Variants in RBFOX1 observed in about 807,000 individuals in gnomAD.
RBFOX1 encodes the protein RNA binding protein fox-1 homolog 1.
RBFOX1 carries 8 observed loss-of-function variants against 57.7 expected under a neutral mutation model. The observed-to-expected ratio is 0.14, with a 90% CI of 0.08 to 0.25. The LOEUF (loss-of-function observed/expected upper bound fraction) is 0.25, where lower values mean the gene tolerates loss of function less well. Among genes scored for constraint, RBFOX1 ranks in the 10% least tolerant of loss-of-function variants. The pLI is 1.00. For missense variants in RBFOX1, 611 were observed against 548.5 expected (o/e 1.11, Z -1.14); for synonymous variants, 326 against 222.4 (o/e 1.47, Z -4.15).
intron 3 of RBFOX1, among the ~76,000 whole-genome samples, chr16:5,642,047 G>A (rs1282685610): frequency 6.6e-6 from 1 of 152,210 alleles, no homozygotes; most frequent in Admixed American, 6.5e-5. Flanking sequence ...ACTTTGAGGA[G>A]CAAGACTGGG....
intron 2 of RBFOX1, among the ~76,000 whole-genome samples, chr16:6,631,154 C>T (rs549694257): frequency 6.6e-4 from 100 of 151,928 alleles, no homozygotes; most frequent in Middle Eastern, 6.8e-3. Context: ...TTTAGAAGGT[C>T]AAAGGCAGAG....
At chr16:7,335,583 A>AG (rs1409736956) in intron 4 of RBFOX1, among the ~76,000 whole-genome samples, 1 of 96,462 alleles carries the variant, frequency 1.0e-5, no homozygotes, top group Non-Finnish European at 1.9e-5. Context: ...CCTCAGATAA[A>AG]GAAAAAAAAA....
At chr16:7,691,760 G>A (rs746010894) in intron 14 of RBFOX1, among the ~76,000 whole-genome samples, 8 of 152,148 alleles carry the variant, frequency 5.3e-5, no homozygotes, top group Non-Finnish European at 1.0e-4. Context: ...GGGAACACAA[G>A]CTAGCAATCT....
intron 4 of RBFOX1, among the ~76,000 whole-genome samples, chr16:7,484,068 A>G (rs928484472): frequency 1.3e-5 from 2 of 152,218 alleles, no homozygotes; most frequent in Non-Finnish European, 2.9e-5. Flanking sequence ...TGAATTTCAT[A>G]ATAAATGGAA....
In RBFOX1 at chr16:5,548,863, C is replaced by G. The variant is rs573878651; in HGVS notation, c.259-50039C>G. Among the ~76,000 whole-genome samples, 12 of 152,130 alleles carry G rather than the reference C, an allele frequency of 7.9e-5. No individual in the cohort carries two copies. In the East Asian group the frequency reaches 2.3e-3, roughly 29 times the overall value. ...GGATGAAGTGAGAGAAGGCTGGGGC[C>G]AAGGATGAGGAAGAAGATGGAAGGG... On this transcript the variant is annotated intron_variant, in intron 2 of 2. Transcript: ENST00000585867.
chr16:7,033,479 C>T (rs1364784959), intron 3 of RBFOX1, among the ~76,000 whole-genome samples: 4 of 152,022 alleles, frequency 2.6e-5, no homozygotes, highest in African/African-American at 9.7e-5. Context: ...AAGATTGCGC[C>T]ACTGCAGTCC....
At chr16:6,175,578 A>T (rs1192036471) in intron 1 of RBFOX1, among the ~76,000 whole-genome samples, 1 of 152,150 alleles carries the variant, frequency 6.6e-6, no homozygotes, top group Non-Finnish European at 1.5e-5. Context: ...AGCACCTAGT[A>T]ATAGCTGTAG....
intron 2 of RBFOX1, among the ~76,000 whole-genome samples, chr16:5,596,353 T>C (rs2047182520): frequency 6.6e-6 from 1 of 152,166 alleles, no homozygotes; most frequent in Admixed American, 6.5e-5. Context: ...AATTTTACCT[T>C]CCTAAGGCTG....
intron 2 of RBFOX1, among the ~76,000 whole-genome samples, chr16:5,516,075 C>T (rs1180051703): frequency 2.0e-5 from 3 of 152,172 alleles, no homozygotes; most frequent in Non-Finnish European, 2.9e-5. Flanking sequence ...AATATTCCCG[C>T]TTCTGGCTGG....
intron 3 of RBFOX1, among the ~76,000 whole-genome samples, chr16:6,853,783 C>G (rs1394582140): frequency 6.6e-6 from 1 of 152,120 alleles, no homozygotes; most frequent in African/African-American, 2.4e-5. Flanking sequence ...TCTGACCTCA[C>G]TTGAAGAAAC....
At chr16:5,385,927 G>A (rs1460860573) in intron 1 of RBFOX1, among the ~76,000 whole-genome samples, 3 of 151,990 alleles carry the variant, frequency 2.0e-5, no homozygotes, top group African/African-American at 7.3e-5. Flanking sequence ...ATAAATCTGC[G>A]TTCCAGTAAA....
chr16:5,289,446 T>A (rs1596406445), intron 1 of RBFOX1: 1 of 241,186 alleles, frequency 4.1e-6, no homozygotes, highest in Non-Finnish European at 8.2e-6. Flanking sequence ...CACATTAGAT[T>A]GTGAAGCCTT....
intron 3 of RBFOX1, among the ~76,000 whole-genome samples, chr16:6,994,172 G>T (rs1373597690): frequency 6.6e-6 from 1 of 152,094 alleles, no homozygotes; most frequent in Admixed American, 6.6e-5. Context: ...GGGAGCCACA[G>T]GAAGCTCCTT....
chr16:7,398,151 T>C (rs1597416843), intron 4 of RBFOX1, among the ~76,000 whole-genome samples: 1 of 152,210 alleles, frequency 6.6e-6, no homozygotes, highest in African/African-American at 2.4e-5. Context: ...AATGCCTCTT[T>C]TGGACCCATT....
intron 2 of RBFOX1, among the ~76,000 whole-genome samples, chr16:5,580,278 C>T (rs1174136438): frequency 2.0e-5 from 3 of 152,198 alleles, no homozygotes; most frequent in Non-Finnish European, 4.4e-5. Context: ...TCTGGGAGCG[C>T]CGGCTGATTG....
chr16:6,442,861 A>G (rs2094412847), intron 2 of RBFOX1, among the ~76,000 whole-genome samples: 2 of 152,238 alleles, frequency 1.3e-5, no homozygotes, highest in Admixed American at 6.5e-5. Context: ...AAACCTTGGA[A>G]TATGATATCA....
At chr16:6,445,140 T>C (rs1467246874) in intron 2 of RBFOX1, among the ~76,000 whole-genome samples, 1 of 152,036 alleles carries the variant, frequency 6.6e-6, no homozygotes, top group African/African-American at 2.4e-5. Flanking sequence ...CTTGGGATGA[T>C]GGGAGGATGC....
At chr16:6,343,187 G>A (rs2084835686) in intron 2 of RBFOX1, among the ~76,000 whole-genome samples, 1 of 152,024 alleles carries the variant, frequency 6.6e-6, no homozygotes, top group African/African-American at 2.4e-5. Context: ...CAGAAATTCG[G>A]GGAAAAATGG....
chr16:5,418,417 C>T (rs984001105), intron 1 of RBFOX1, among the ~76,000 whole-genome samples: 5 of 151,260 alleles, frequency 3.3e-5, no homozygotes, highest in East Asian at 2.0e-4. Context: ...GCATCAGGTC[C>T]GACGTGATCA....
Sources: gnomAD v4.1 joint callset for allele counts (sites outside exome capture counted in the v4.1 genomes callset) on GRCh38, gnomAD v4.1.1 for gene constraint, MANE v1.5 for transcripts, NCBI Gene and HGNC (gene_info 2026-07-23, HGNC 2026-07-21) for gene names.